The following JAZF1 variants were observed in gnomAD, a reference collection of about 807,000 sequenced individuals.
The protein encoded by JAZF1 is JAZF zinc finger 1, also known as juxtaposed with another zinc finger protein 1.
A neutral mutation model predicts 26.4 loss-of-function variants in JAZF1; 8 were observed. The ratio of observed to expected loss-of-function variants is 0.30; its 90% CI spans 0.18 to 0.55. The LOEUF is 0.55. JAZF1 is among the 20% of genes least tolerant of loss of function. JAZF1 has a pLI of 0.94. For missense variants in JAZF1, 199 were observed against 322.0 expected (o/e 0.62, Z 2.92); for synonymous variants, 126 against 122.3 (o/e 1.03, Z -0.20).
chr7:27,996,734 C>G (rs1786025720), intron 1 of JAZF1, among the ~76,000 whole-genome samples: 1 of 152,178 alleles, frequency 6.6e-6, no homozygotes, highest in African/African-American at 2.4e-5. Flanking sequence ...AATTATGCCC[C>G]TGGAGGGGTG....
At chr7:27,919,137 C>T (rs1784488785) in intron 2 of JAZF1, among the ~76,000 whole-genome samples, 1 of 152,194 alleles carries the variant, frequency 6.6e-6, no homozygotes, top group Non-Finnish European at 1.5e-5. Context: ...AAATACTCAA[C>T]ACCTGTGGGT....
intron 2 of JAZF1, among the ~76,000 whole-genome samples, chr7:27,976,344 C>CAAAAAAA (rs55992845): frequency 6.2e-5 from 5 of 80,450 alleles, no homozygotes; most frequent in African/African-American, 1.1e-4. Flanking sequence ...GACTCCGTCT[C>CAAAAAAA]AAAAAAAAAA....
chr7:28,128,142 T>C (rs527909313), intron 1 of JAZF1, among the ~76,000 whole-genome samples: 1 of 152,312 alleles, frequency 6.6e-6, no homozygotes, highest in South Asian at 2.1e-4. Flanking sequence ...ATCATAGTCC[T>C]GGTTACTGAG....
chr7:27,876,896 G>A (rs1461909610), intron 3 of JAZF1, among the ~76,000 whole-genome samples: 2 of 152,174 alleles, frequency 1.3e-5, no homozygotes, highest in Non-Finnish European at 2.9e-5. Flanking sequence ...TGCCCTTAAA[G>A]ACTAGAGGCA....
intron 2 of JAZF1, among the ~76,000 whole-genome samples, chr7:27,936,685 T>C (rs774836013): frequency 1.8e-4 from 27 of 152,290 alleles, no homozygotes; most frequent in Non-Finnish European, 3.4e-4. Flanking sequence ...TGACATGAGA[T>C]GGTGGTAGTA....
intron 1 of JAZF1, among the ~76,000 whole-genome samples, chr7:28,075,556 T>C (rs1345932657): frequency 6.6e-6 from 1 of 152,198 alleles, no homozygotes; most frequent in Non-Finnish European, 1.5e-5. Flanking sequence ...TACCTATAAA[T>C]GTATATTGTA....
chr7:28,020,435 C>T (rs1007111793), intron 1 of JAZF1: 9 of 374,948 alleles, frequency 2.4e-5, no homozygotes, highest in Middle Eastern at 4.1e-4. Context: ...AGGAAACAAA[C>T]GAGGAGAGCC....
chr7:27,892,420 T>G (rs781224335), intron 3 of JAZF1, among the ~76,000 whole-genome samples: 1 of 152,214 alleles, frequency 6.6e-6, no homozygotes, highest in Non-Finnish European at 1.5e-5. Flanking sequence ...CAAACATTCT[T>G]ACATGAAAAA....
intron 2 of JAZF1, among the ~76,000 whole-genome samples, chr7:27,911,621 C>T (rs942541750): frequency 1.2e-4 from 18 of 152,092 alleles, no homozygotes; most frequent in African/African-American, 4.3e-4. Context: ...TGAATAGAAA[C>T]ATAAAATTTC....
intron 1 of JAZF1, among the ~76,000 whole-genome samples, chr7:28,140,486 T>A (rs1380478248): frequency 6.6e-6 from 1 of 152,098 alleles, no homozygotes; most frequent in Non-Finnish European, 1.5e-5. Context: ...ACTACAGTAT[T>A]TTTACTGCAG....
At chr7:27,873,506 G>C (rs1198482895) in intron 3 of JAZF1, among the ~76,000 whole-genome samples, 1 of 152,130 alleles carries the variant, frequency 6.6e-6, no homozygotes, top group African/African-American at 2.4e-5. Flanking sequence ...TGGCTGTCTA[G>C]GTTTTTCTGG....
chr7:27,838,008 C>CTTTT (rs34890301), intron 4 of JAZF1, among the ~76,000 whole-genome samples: 1 of 143,594 alleles, frequency 7.0e-6, no homozygotes, highest in South Asian at 2.2e-4. Context: ...CTTTGTCTGC[C>CTTTT]TTTTTTTTTT....
At chr7:27,998,485 T>C (rs550603555) in intron 1 of JAZF1, among the ~76,000 whole-genome samples, 1 of 152,332 alleles carries the variant, frequency 6.6e-6, no homozygotes, top group South Asian at 2.1e-4. Flanking sequence ...AAAAAAATTG[T>C]ACAATTGCAC....
intron 2 of JAZF1, among the ~76,000 whole-genome samples, chr7:27,966,731 C>A (rs1399036637): frequency 6.6e-6 from 1 of 152,104 alleles, no homozygotes; most frequent in Non-Finnish European, 1.5e-5. Context: ...TTAGTTAAAG[C>A]CTTTGAATAA....
chr7:28,002,571 T>C (rs886576825), intron 1 of JAZF1, among the ~76,000 whole-genome samples: 3 of 152,230 alleles, frequency 2.0e-5, no homozygotes, highest in African/African-American at 7.2e-5. Context: ...TTAGCAAGCA[T>C]GTTAAGTGTA....
At chr7:28,168,574 C>T (rs1783405476) in intron 1 of JAZF1, among the ~76,000 whole-genome samples, 1 of 152,146 alleles carries the variant, frequency 6.6e-6, no homozygotes, top group African/African-American at 2.4e-5. Flanking sequence ...TGCCACGCCC[C>T]ACTGCATTGA....
At chr7:28,032,346 T>G (rs575022530) in intron 1 of JAZF1, among the ~76,000 whole-genome samples, 1 of 152,148 alleles carries the variant, frequency 6.6e-6, no homozygotes, top group East Asian at 1.9e-4. Flanking sequence ...ACTAAATAAA[T>G]AGATCTGCAA....
At chr7:28,120,609 G>A (rs746875234) in intron 1 of JAZF1, among the ~76,000 whole-genome samples, 10 of 143,018 alleles carry the variant, frequency 7.0e-5, no homozygotes, top group Non-Finnish European at 1.5e-4. Flanking sequence ...CCGGGTTCAA[G>A]TGATTCTCCT....
At position 27,853,618 on chromosome 7, in the gene JAZF1, T is replaced by C. The variant is rs188365063; in HGVS notation, c.386-12751A>G. Among the ~76,000 whole-genome samples, 105 of 152,332 alleles carry C rather than the reference T, an allele frequency of 6.9e-4. 1 individual carries two copies. In the East Asian group the frequency reaches 0.012, roughly 18 times the overall value. On this transcript the variant is annotated intron_variant, in intron 3 of 4. Coordinates refer to ENST00000283928, the MANE Select transcript of JAZF1 (RefSeq NM_175061.4). The stretch of plus-strand genomic sequence containing the variant: ...TCAAAGAAATTATTTATTTCTGCCT[T>C]CATTTCATTATTTACCCAGTAGTCA...
Sources: allele counts gnomAD v4.1 joint callset (sites outside exome capture counted in the v4.1 genomes callset), GRCh38; gene constraint gnomAD v4.1.1; transcripts MANE v1.5; gene names NCBI Gene and HGNC (gene_info 2026-07-23, HGNC 2026-07-21).